The following GPC6 variants were observed in gnomAD, a reference collection of about 807,000 sequenced individuals.
GPC6 encodes the protein glypican 6, also known as glypican-6.
GPC6 carries 14 observed loss-of-function variants against 55.2 expected under a neutral mutation model. The ratio of observed to expected loss-of-function variants is 0.25; its 90% CI spans 0.17 to 0.40. The LOEUF (loss-of-function observed/expected upper bound fraction) is 0.40. GPC6 is among the 10% of genes least tolerant of loss of function. The pLI, the probability that GPC6 is intolerant of heterozygous loss-of-function variation, is 1.00. For missense variants in GPC6, 641 were observed against 708.5 expected (o/e 0.90, Z 1.08); for synonymous variants, 278 against 259.6 (o/e 1.07, Z -0.68).
At chr13:94,281,020 A>G (rs1892364194) in intron 4 of GPC6, among the ~76,000 whole-genome samples, 1 of 151,920 alleles carries the variant, frequency 6.6e-6, no homozygotes, top group South Asian at 2.1e-4. Context: ...AAGATTCTAA[A>G]CTCCATGAAG....
chr13:94,178,121 C>T (rs576436896), intron 4 of GPC6, among the ~76,000 whole-genome samples: 1 of 150,766 alleles, frequency 6.6e-6, no homozygotes, highest in East Asian at 2.0e-4. Context: ...TGGGTTCAAG[C>T]GATTCTCCTG....
chr13:93,636,963 A>G (rs1879728464), intron 2 of GPC6, among the ~76,000 whole-genome samples: 1 of 151,100 alleles, frequency 6.6e-6, no homozygotes, highest in Non-Finnish European at 1.5e-5. Flanking sequence ...TTAGTGGAGC[A>G]CATTTTCACC....
chr13:93,379,595 A>G (rs1001107072), intron 1 of GPC6, among the ~76,000 whole-genome samples: 3 of 152,176 alleles, frequency 2.0e-5, no homozygotes, highest in African/African-American at 7.2e-5. Flanking sequence ...TAGAGAACCT[A>G]GAATTCAGTC....
At chr13:93,838,168 A>G (rs1350013208) in intron 3 of GPC6, among the ~76,000 whole-genome samples, 1 of 152,212 alleles carries the variant, frequency 6.6e-6, no homozygotes, top group Non-Finnish European at 1.5e-5. Flanking sequence ...ACAGAGGGAA[A>G]AACAATGAAT....
At chr13:94,286,241 G>T (rs973654935) in intron 4 of GPC6, 108 bp from the exon 5 acceptor site, 57 of 1,115,310 alleles carry the variant, frequency 5.1e-5, no homozygotes, top group Non-Finnish European at 7.2e-5. Flanking sequence ...ATTTAAAAAC[G>T]TGAATGCACC....
At chr13:93,246,389 A>C (rs1876602231) in intron 1 of GPC6, among the ~76,000 whole-genome samples, 1 of 140,080 alleles carries the variant, frequency 7.1e-6, no homozygotes, top group Non-Finnish European at 1.5e-5. Flanking sequence ...GTGCTTCTCC[A>C]CAGAATTTGA....
chr13:94,101,441 T>A (rs1045130230), intron 4 of GPC6, among the ~76,000 whole-genome samples: 1 of 152,204 alleles, frequency 6.6e-6, no homozygotes, highest in African/African-American at 2.4e-5. Context: ...CCATCTGAAG[T>A]CCAGTGTCTG....
chr13:93,848,797 C>G (rs928797423), intron 3 of GPC6, among the ~76,000 whole-genome samples: 10 of 151,998 alleles, frequency 6.6e-5, no homozygotes, highest in African/African-American at 2.2e-4. Context: ...CCCACTGCCC[C>G]CCGCAACCAA....
intron 1 of GPC6, among the ~76,000 whole-genome samples, chr13:93,373,702 T>C (rs1874770726): frequency 6.6e-6 from 1 of 152,196 alleles, no homozygotes; most frequent in African/African-American, 2.4e-5. Context: ...CAAAAGATAG[T>C]ATTAACTAAA....
At chr13:93,710,474 T>C (rs1410093124) in intron 2 of GPC6, among the ~76,000 whole-genome samples, 1 of 151,754 alleles carries the variant, frequency 6.6e-6, no homozygotes, top group Non-Finnish European at 1.5e-5. Flanking sequence ...ATGATCCTTG[T>C]GATGTACACA....
chr13:94,156,649 C>T (rs540423), intron 4 of GPC6, among the ~76,000 whole-genome samples: 125,351 of 152,170 alleles, frequency 0.82, 52,445 homozygotes, highest in East Asian at 0.98. Flanking sequence ...TCATATTTGC[C>T]CCAGGACAAA....
At chr13:93,399,820 C>T (rs913563613) in intron 1 of GPC6, among the ~76,000 whole-genome samples, 2 of 152,156 alleles carry the variant, frequency 1.3e-5, no homozygotes, top group African/African-American at 4.8e-5. Flanking sequence ...GCCTAAATGC[C>T]TTTGTCCAAA....
At chr13:94,219,543 C>G (rs546607898) in intron 4 of GPC6, among the ~76,000 whole-genome samples, 30 of 152,112 alleles carry the variant, frequency 2.0e-4, no homozygotes, top group Non-Finnish European at 3.5e-4. Context: ...AACATAATTT[C>G]TAATATAAAA....
At position 93,373,330 on chromosome 13, in the gene GPC6, C is replaced by T. The variant is rs559968486; in HGVS notation, c.160+145714C>T. ...TGAAATAAGCACACTAATACACAAC[C>T]TCCTTTCTTCATTCTGAGCCTCTGC... On this transcript the variant is annotated intron_variant, in intron 1 of 8. Coordinates refer to ENST00000377047, the MANE Select transcript of GPC6 (RefSeq NM_005708.5). Among the ~76,000 whole-genome samples the T allele has an allele frequency of 3.9e-5, 6 of 152,272 alleles. No homozygotes were observed. The South Asian group carries it at 1.2e-3, about 32-fold the overall frequency.
chr13:93,380,851 C>T lies in GPC6; in HGVS notation c.160+153235C>T, dbSNP rs75264729. Among the ~76,000 whole-genome samples the T allele has an allele frequency of 3.9e-3, 592 of 152,242 alleles. 5 individuals are homozygous for T. The highest frequency in any genetic ancestry group is 0.02 in the Middle Eastern group (6 of 294). ...ACACCCCATGCAATATTGGCGCACA[C>T]ATTTATTCAATCAGCAGGTATTTAT... On this transcript the variant is annotated intron_variant, in intron 1 of 8. Transcript: ENST00000377047.
At chr13:94,040,389 T>C (rs1594687986) in intron 4 of GPC6, among the ~76,000 whole-genome samples, 1 of 151,884 alleles carries the variant, frequency 6.6e-6, no homozygotes, top group African/African-American at 2.4e-5. Flanking sequence ...ATATACATGA[T>C]GCAGCTTCTG....
chr13:94,367,935 G>C (rs1879356101), intron 6 of GPC6, among the ~76,000 whole-genome samples: 1 of 151,936 alleles, frequency 6.6e-6, no homozygotes, highest in South Asian at 2.1e-4. Flanking sequence ...CGGATCATGA[G>C]GTCAAAAGAT....
chr13:93,799,557 G>A (rs1886304680), intron 2 of GPC6, among the ~76,000 whole-genome samples: 1 of 152,176 alleles, frequency 6.6e-6, no homozygotes, highest in Non-Finnish European at 1.5e-5. Flanking sequence ...TAAAAGTGAA[G>A]ATATTGACAG....
intron 1 of GPC6, among the ~76,000 whole-genome samples, chr13:93,387,770 T>A (rs1416588096): frequency 6.6e-6 from 1 of 152,234 alleles, no homozygotes; most frequent in East Asian, 1.9e-4. Flanking sequence ...TTGAAAGAAG[T>A]ACGTTTCCAC....
Sources: gnomAD v4.1 joint callset for allele counts (sites outside exome capture counted in the v4.1 genomes callset) on GRCh38, gnomAD v4.1.1 for gene constraint, MANE v1.5 for transcripts, NCBI Gene and HGNC (gene_info 2026-07-23, HGNC 2026-07-21) for gene names.